CRPPA: variants seen among roughly 807,000 people sequenced by gnomAD.
CRPPA encodes the protein CDP-L-ribitol pyrophosphorylase A.
In CRPPA, 43 loss-of-function variants were observed where a neutral mutation model predicts 52.0. The observed-to-expected ratio is 0.83, with a 90% confidence interval of 0.65 to 1.07. The LOEUF (loss-of-function observed/expected upper bound fraction) is 1.07, where lower values mean the gene tolerates loss of function less well. Among genes scored for constraint, CRPPA ranks in the 50% least tolerant of loss-of-function variants. CRPPA has a pLI of 0.00. For missense variants in CRPPA, 629 were observed against 551.7 expected, an observed-to-expected ratio of 1.14 and a Z score of -1.40; for synonymous variants, 250 against 203.5, an observed-to-expected ratio of 1.23 and a Z score of -1.94.
At position 16,087,736 on chromosome 7, in the gene CRPPA, A is replaced by G. The variant is rs1045344910; in HGVS notation, c.*3959T>C. 2.0e-5 allele frequency: 3 copies of G among 152,174 alleles called. No homozygotes were observed. The highest frequency in any genetic ancestry group is 7.2e-5 in the African/African-American group (3 of 41,456). The allele number at this position is 152,174 out of a possible 1,614,324, so 9.4% of individuals were successfully genotyped here. A position where few individuals can be genotyped will look rare whatever the true frequency, so the allele number is the denominator to read the frequency against. On this transcript the variant is annotated 3_prime_UTR_variant, in exon 10 of 10. Transcript: ENST00000407010. ...AGTCCACTGATTTTAAGCCATACTAACAAATCCTATATCAATTAAAATGCT... is the reference window on the plus strand; with the variant it reads ...AGTCCACTGATTTTAAGCCATACTAGCAAATCCTATATCAATTAAAATGCT...
chr7:16,214,998 T>A (rs1297613753), intron 9 of CRPPA, among the ~76,000 whole-genome samples: 1 of 152,214 alleles, frequency 6.6e-6, no homozygotes, highest in African/African-American at 2.4e-5. Flanking sequence ...ACTGAGGTCA[T>A]GCTTGCATAT....
At chr7:16,122,482 G>T (rs1782498648) in intron 9 of CRPPA, among the ~76,000 whole-genome samples, 1 of 151,928 alleles carries the variant, frequency 6.6e-6, no homozygotes, top group Admixed American at 6.6e-5. Flanking sequence ...ATGTTCATAG[G>T]AAGTTCTTAT....
chr7:16,410,827 A>C (rs1583589027), intron 1 of CRPPA, among the ~76,000 whole-genome samples: 1 of 150,586 alleles, frequency 6.6e-6, no homozygotes, highest in Non-Finnish European at 1.5e-5. Flanking sequence ...AACTGCCCCT[A>C]CTCCCCGCCA....
At chr7:16,281,179 A>C (rs1784314290) in intron 5 of CRPPA, among the ~76,000 whole-genome samples, 4 of 152,140 alleles carry the variant, frequency 2.6e-5, no homozygotes, top group South Asian at 4.1e-4. Context: ...GACATCTTTA[A>C]AATAACAAGC....
At position 16,278,241 on chromosome 7, in the gene CRPPA, A is replaced by T. The variant is rs755371214; in HGVS notation, c.836-15T>A. The T allele has an allele frequency of 3.6e-6, 5 of 1,387,232 alleles. No individual in the cohort carries two copies. The highest frequency in any genetic ancestry group is 5.0e-6 in the Non-Finnish European group (5 of 1,009,922). 85.9% of individuals were successfully genotyped at this position (1,387,232 alleles called of 1,614,324 possible). On this transcript the variant is annotated splice_polypyrimidine_tract_variant and intron_variant, in intron 5 of 9. Transcript: ENST00000407010. ...GGAAATTCTCTCTGAAATTAAAAAA[A>T]AAAAGTTTTAAGTTTCAAACAAAAC... is the stretch of plus-strand genomic sequence containing the variant.
At chr7:16,198,705 A>G (rs763834146) in intron 9 of CRPPA, among the ~76,000 whole-genome samples, 51 of 144,796 alleles carry the variant, frequency 3.5e-4, no homozygotes, top group Middle Eastern at 7.1e-3. Flanking sequence ...ACCGGTATGC[A>G]CTCCCATACT....
At position 16,091,671 on chromosome 7, in the gene CRPPA, A is replaced by C; in HGVS notation, c.*24T>G. On this transcript the variant is annotated 3_prime_UTR_variant, in exon 10 of 10. Coordinates refer to ENST00000407010, the MANE Select transcript of CRPPA (RefSeq NM_001101426.4). ...TAAGATACGCAAATAGATGTTTTAG[A>C]AAATAGGTAATTTTTTGTGTTCTTC... 7.5e-7 allele frequency: 1 copy of C among 1,341,448 alleles called. No homozygotes were observed. Among genetic ancestry groups the C allele is most frequent in the Non-Finnish European group, 1.0e-6 (1 of 960,076 alleles). 83.1% of individuals were successfully genotyped at this position (1,341,448 alleles called of 1,614,324 possible). A position where few individuals can be genotyped will look rare whatever the true frequency, so the allele number is the denominator to read the frequency against.
chr7:16,287,387 T>C (rs988473169), intron 5 of CRPPA, among the ~76,000 whole-genome samples: 2 of 152,170 alleles, frequency 1.3e-5, no homozygotes, highest in Admixed American at 6.5e-5. Flanking sequence ...CTCAGTATCA[T>C]CCCAAGCTTT....
intron 5 of CRPPA, among the ~76,000 whole-genome samples, chr7:16,299,463 A>G (rs1784744111): frequency 6.6e-6 from 1 of 152,194 alleles, no homozygotes; most frequent in Non-Finnish European, 1.5e-5. Flanking sequence ...GTTAAAATGT[A>G]TATTCTGACT....
chr7:16,217,158 G>T (rs1317807268), intron 8 of CRPPA, among the ~76,000 whole-genome samples: 1 of 145,948 alleles, frequency 6.9e-6, no homozygotes, highest in Non-Finnish European at 1.5e-5. Flanking sequence ...GCCTAACTGG[G>T]AGGCACCCCC....
chr7:16,376,820 G>A (rs1003270726), intron 2 of CRPPA, among the ~76,000 whole-genome samples: 2 of 152,198 alleles, frequency 1.3e-5, no homozygotes, highest in Admixed American at 6.5e-5. Flanking sequence ...TTGCTATGAT[G>A]AAAGTTCTCT....
Position 16,136,859 on chromosome 7 carries a change from T to C in CRPPA, c.1252-45060A>G, listed in dbSNP as rs1051572445. Among the ~76,000 whole-genome samples, 6 of 151,126 alleles carry C rather than the reference T, an allele frequency of 4.0e-5. No individual in the cohort carries two copies. The Admixed American group carries it at 4.0e-4, about 10-fold the overall frequency. On this transcript the variant is annotated intron_variant, in intron 9 of 9. Coordinates refer to ENST00000407010, the MANE Select transcript of CRPPA (RefSeq NM_001101426.4). ...ATATGTATCTTTTAAAATTTATGTC[T>C]AGATTATGATATCTAAAAGTATTCC...
chr7:16,212,349 G>A (rs890109313), intron 9 of CRPPA, among the ~76,000 whole-genome samples: 1 of 152,106 alleles, frequency 6.6e-6, no homozygotes, highest in Admixed American at 6.5e-5. Flanking sequence ...CAGTTTAGTG[G>A]GGAAGAAATA....
chr7:16,244,007 C>G (rs1783198103), intron 8 of CRPPA, among the ~76,000 whole-genome samples: 1 of 152,120 alleles, frequency 6.6e-6, no homozygotes, highest in Non-Finnish European at 1.5e-5. Flanking sequence ...AAGCATATCA[C>G]AGCATACTAT....
In CRPPA at chr7:16,378,852, T is replaced by A. The variant is rs1233579272; in HGVS notation, c.535-2611A>T. ...ACTGTGGTTTTGATTTGCATTTCTC[T>A]GATGGCCAGTGATGGTGAGCATTTT... On this transcript the variant is annotated intron_variant, in intron 2 of 9. Coordinates refer to ENST00000407010, the MANE Select transcript of CRPPA (RefSeq NM_001101426.4). Among the ~76,000 whole-genome samples, 4 of 152,352 alleles carry A rather than the reference T, an allele frequency of 2.6e-5. No homozygotes were observed. In the East Asian group the frequency reaches 7.7e-4, roughly 29 times the overall value.
chr7:16,382,487 G>C (rs986048580), intron 2 of CRPPA, among the ~76,000 whole-genome samples: 3 of 152,086 alleles, frequency 2.0e-5, no homozygotes, highest in Non-Finnish European at 4.4e-5. Flanking sequence ...TGCTCTTCTT[G>C]AGGAGTATCT....
chr7:16,360,921 T>A, intron 3 of CRPPA, among the ~76,000 whole-genome samples: 1 of 151,792 alleles, frequency 6.6e-6, no homozygotes, highest in African/African-American at 2.4e-5. Flanking sequence ...GATGTATCAA[T>A]AAAAAAAGCA....
At chr7:16,175,996 T>C (rs1261473259) in intron 9 of CRPPA, among the ~76,000 whole-genome samples, 3 of 152,126 alleles carry the variant, frequency 2.0e-5, no homozygotes, top group Non-Finnish European at 4.4e-5. Flanking sequence ...GGCGAAAAGC[T>C]TCTTATTTAT....
At chr7:16,138,052 A>G (rs1164278446) in intron 9 of CRPPA, among the ~76,000 whole-genome samples, 1 of 152,190 alleles carries the variant, frequency 6.6e-6, no homozygotes, top group East Asian at 1.9e-4. Context: ...AAATATTAAG[A>G]CAACAATAAA....
Sources: allele counts gnomAD v4.1 joint callset (sites outside exome capture counted in the v4.1 genomes callset), GRCh38; gene constraint gnomAD v4.1.1; transcripts MANE v1.5; gene names NCBI Gene and HGNC (gene_info 2026-07-23, HGNC 2026-07-21).